Variants in GABRA4 observed in about 807,000 individuals in gnomAD.
GABRA4 encodes gamma-aminobutyric acid type A receptor subunit alpha4, also known as gamma-aminobutyric acid receptor subunit alpha-4.
GABRA4 carries 12 observed loss-of-function variants against 49.7 expected under a neutral mutation model. That is an observed-to-expected ratio of 0.24 (90% CI 0.15 to 0.39). The LOEUF (loss-of-function observed/expected upper bound fraction) is 0.39. Among genes scored for constraint, GABRA4 ranks in the 10% least tolerant of loss-of-function variants. The pLI, the probability that GABRA4 is intolerant of heterozygous loss-of-function variation, is 1.00. For missense variants in GABRA4, 506 were observed against 686.0 expected (o/e 0.74, Z 2.93); for synonymous variants, 288 against 240.2 (o/e 1.20, Z -1.84).
rs1231130259 is a variant in GABRA4, at chr4:46,921,466, A to G, written c.*6759T>C. ...TAAAGAAGCTTGCAGAAATACTACC[A>G]AGGAAAATGTAAAAAGAATTTATTT... On this transcript the variant is annotated 3_prime_UTR_variant, in exon 9 of 9. Coordinates refer to ENST00000264318, the MANE Select transcript of GABRA4 (RefSeq NM_000809.4). The G allele has an allele frequency of 6.6e-6, 1 of 152,042 alleles. No individual in the cohort carries two copies. The highest frequency in any genetic ancestry group is 2.4e-5 in the African/African-American group (1 of 41,430). The allele number at this position is 152,042 out of a possible 1,614,324, so 9.4% of individuals were successfully genotyped here.
intron 8 of GABRA4, among the ~76,000 whole-genome samples, chr4:46,930,991 T>A (rs181583369): frequency 6.6e-6 from 1 of 150,618 alleles, no homozygotes; most frequent in East Asian, 2.0e-4. Flanking sequence ...ACTGAAGAGA[T>A]GAAGTTGAGA....
chr4:46,965,351 CAAAGAA>C (rs971818794), intron 7 of GABRA4, 122 bp from the exon 8 acceptor site: 5 of 719,884 alleles, frequency 6.9e-6, no homozygotes, highest in African/African-American at 1.8e-5. Context: ...TACAATAACT[CAAAGAA>C]AACCATCTTT....
intron 8 of GABRA4, among the ~76,000 whole-genome samples, chr4:46,952,652 G>C (rs1722212740): frequency 6.6e-6 from 1 of 152,034 alleles, no homozygotes; most frequent in Non-Finnish European, 1.5e-5. Context: ...AAAATTGGCA[G>C]CTTAGTCAAA....
Position 46,920,557 on chromosome 4 carries a change from C to A in GABRA4, c.*7668G>T, listed in dbSNP as rs556491458. The A allele has an allele frequency of 6.6e-6, 1 of 151,660 alleles. No homozygotes were observed. The highest frequency in any genetic ancestry group is 1.5e-5 in the Non-Finnish European group (1 of 67,646). 9.4% of individuals were successfully genotyped at this position (151,660 alleles called of 1,614,324 possible). A position where few individuals can be genotyped will look rare whatever the true frequency, so the allele number is the denominator to read the frequency against. On this transcript the variant is annotated 3_prime_UTR_variant, in exon 9 of 9. Coordinates refer to ENST00000264318, the MANE Select transcript of GABRA4 (RefSeq NM_000809.4). ...TCACATGATGATATTCATATATGAT[C>A]TGCAAAATTCAAGGGAGAATTTTTA...
At chr4:46,966,845 G>T (rs1387359614) in intron 7 of GABRA4, among the ~76,000 whole-genome samples, 1 of 151,600 alleles carries the variant, frequency 6.6e-6, no homozygotes, top group Non-Finnish European at 1.5e-5. Flanking sequence ...GACATTGTTA[G>T]CATTCTTATT....
intron 8 of GABRA4, among the ~76,000 whole-genome samples, chr4:46,929,540 G>C (rs1389481343): frequency 6.6e-6 from 1 of 151,932 alleles, no homozygotes; most frequent in Non-Finnish European, 1.5e-5. Context: ...TTTGTTTGTA[G>C]AACAAGATTA....
chr4:46,935,410 A>G (rs960746159), intron 8 of GABRA4, among the ~76,000 whole-genome samples: 1 of 152,214 alleles, frequency 6.6e-6, no homozygotes, highest in African/African-American at 2.4e-5. Flanking sequence ...ATTCAAACGA[A>G]TATTACATAG....
intron 8 of GABRA4, among the ~76,000 whole-genome samples, chr4:46,948,352 T>C (rs1300396705): frequency 2.0e-5 from 3 of 152,066 alleles, no homozygotes; most frequent in Non-Finnish European, 4.4e-5. Flanking sequence ...AGGATATTAA[T>C]GACAAAGAAA....
At chr4:46,959,786 ACT>A (rs1329661519) in intron 8 of GABRA4, among the ~76,000 whole-genome samples, 2 of 146,710 alleles carry the variant, frequency 1.4e-5, no homozygotes, top group East Asian at 2.0e-4. Flanking sequence ...AGAAAAGAAA[ACT>A]CTATCAACTC....
chr4:46,959,758 CAAAA>C (rs67861758), intron 8 of GABRA4, among the ~76,000 whole-genome samples: 8 of 82,692 alleles, frequency 9.7e-5, no homozygotes, highest in Non-Finnish European at 1.6e-4. Context: ...CATCACTTTG[CAAAA>C]AAAAAAAAAA....
intron 2 of GABRA4, among the ~76,000 whole-genome samples, chr4:46,987,935 A>G (rs952495942): frequency 1.3e-5 from 2 of 152,028 alleles, no homozygotes; most frequent in East Asian, 3.9e-4. Context: ...GTCCCCAGAG[A>G]CCCTATGAGA....
At position 46,919,353 on chromosome 4, in the gene GABRA4, T is replaced by C. The variant is rs1291235130; in HGVS notation, c.*8872A>G. 1 of 151,540 alleles carries C rather than the reference T, an allele frequency of 6.6e-6. No individual in the cohort carries two copies. Among genetic ancestry groups the C allele is most frequent in the Non-Finnish European group, 1.5e-5 (1 of 67,544 alleles). The allele number at this position is 151,540 out of a possible 1,614,324, so 9.4% of individuals were successfully genotyped here. A position where few individuals can be genotyped will look rare whatever the true frequency, so the allele number is the denominator to read the frequency against. On this transcript the variant is annotated 3_prime_UTR_variant, in exon 9 of 9. Transcript: ENST00000264318. Reference sequence around the variant, plus strand: ...TGCTCCTCACTATAATATACCATGATAATATTCCTACATTGAATAAAATTG... The same window carrying C: ...TGCTCCTCACTATAATATACCATGACAATATTCCTACATTGAATAAAATTG...
In GABRA4 at chr4:46,923,103, C is replaced by T. The variant is rs1236914212; in HGVS notation, c.*5122G>A. On this transcript the variant is annotated 3_prime_UTR_variant, in exon 9 of 9. Coordinates refer to ENST00000264318, the MANE Select transcript of GABRA4 (RefSeq NM_000809.4). The stretch of plus-strand genomic sequence containing the variant: ...TGAAAACCATTCCCCCACCCTCACC[C>T]GTGCCTGTTGCCAAAACAGTTGGGG... 2.6e-5 allele frequency: 4 copies of T among 152,002 alleles called. No individual in the cohort carries two copies. Among genetic ancestry groups the T allele is most frequent in the Non-Finnish European group, 5.9e-5 (4 of 68,012 alleles). 9.4% of individuals were successfully genotyped at this position (152,002 alleles called of 1,614,324 possible).
rs1352896505 is a variant in GABRA4 at position 46,993,436 on chromosome 4, G to A, written c.-12C>T. On this transcript the variant is annotated 5_prime_UTR_variant, in exon 1 of 9. Transcript: ENST00000264318. ...TTGGCAGAAACCATCTTTGCAACAT[G>A]CCATACTTCAAGCCTGTTCACGTTT... 1 of 1,613,844 alleles carries A rather than the reference G, an allele frequency of 6.2e-7. No individual in the cohort carries two copies.
intron 8 of GABRA4, among the ~76,000 whole-genome samples, chr4:46,947,370 G>A (rs1722017769): frequency 6.6e-6 from 1 of 151,986 alleles, no homozygotes; most frequent in Non-Finnish European, 1.5e-5. Flanking sequence ...AGTTTTCACT[G>A]AAAAAATAAA....
At position 46,924,219 on chromosome 4, in the gene GABRA4, T is replaced by A. The variant is rs896323093; in HGVS notation, c.*4006A>T. Reference sequence around the variant, plus strand: ...AGAAGAAAATATTATTACTACTGATTCTATTAATTTATTTAAAATTTGTAT... The same window carrying A: ...AGAAGAAAATATTATTACTACTGATACTATTAATTTATTTAAAATTTGTAT... On this transcript the variant is annotated 3_prime_UTR_variant, in exon 9 of 9. Transcript: ENST00000264318. The A allele has an allele frequency of 6.6e-6, 1 of 152,136 alleles. No individual in the cohort carries two copies. The highest frequency in any genetic ancestry group is 1.5e-5 in the Non-Finnish European group (1 of 68,002). 9.4% of individuals were successfully genotyped at this position (152,136 alleles called of 1,614,324 possible). A position where few individuals can be genotyped will look rare whatever the true frequency, so the allele number is the denominator to read the frequency against.
chr4:46,966,813 C>T (rs1183815088), intron 7 of GABRA4, among the ~76,000 whole-genome samples: 2 of 151,750 alleles, frequency 1.3e-5, no homozygotes, highest in Non-Finnish European at 2.9e-5. Context: ...TTTGGTTGTA[C>T]TCCCTTTTAA....
chr4:46,928,457 A>T lies in GABRA4; in HGVS notation c.1433T>A (p.Val478Glu). The change falls in exon 9 of 9, where the codon GTG becomes GAG. Residue 478 changes from valine (V) to glutamate (E), a missense_variant. By Grantham distance (121) the Val-to-Glu change is moderately radical. Transcript: ENST00000264318. The stretch of plus-strand genomic sequence containing the variant: ...TATCCTCTGCAGTCTTGATCCAAAC[A>T]CGTGACGAGTAGAAGCAGATCCAAC... Reference protein sequence around the residue: ...ASVGSASTRHVFGSRLQRIKT... With the variant: ...ASVGSASTRHEFGSRLQRIKT... 6.2e-7 allele frequency: 1 copy of T among 1,613,674 alleles called. No homozygotes were observed. The highest frequency in any genetic ancestry group is 8.5e-7 in the Non-Finnish European group (1 of 1,179,738).
intron 2 of GABRA4, among the ~76,000 whole-genome samples, chr4:46,991,942 G>T (rs1024906802): frequency 6.6e-6 from 1 of 152,186 alleles, no homozygotes; most frequent in East Asian, 1.9e-4. Context: ...GGTAATTAGT[G>T]CAGTGTACTG....
Sources: gnomAD v4.1 joint callset for allele counts (sites outside exome capture counted in the v4.1 genomes callset) on GRCh38, gnomAD v4.1.1 for gene constraint, MANE v1.5 for transcripts, NCBI Gene and HGNC (gene_info 2026-07-23, HGNC 2026-07-21) for gene names.